PDE10A: variants seen among roughly 807,000 people sequenced by gnomAD.
PDE10A encodes the protein phosphodiesterase 10A.
Under a neutral mutation model 97.7 loss-of-function variants are expected in PDE10A, and 39 were observed. That is an observed-to-expected ratio of 0.40 (90% CI 0.31 to 0.52). The LOEUF is 0.52. PDE10A is among the 20% of genes least tolerant of loss of function. PDE10A has a pLI of 0.56. For synonymous variants in PDE10A, 371 were observed against 376.8 expected (o/e 0.98, Z 0.18); for missense variants, 731 against 1,047.8 (o/e 0.70, Z 4.17).
At position 165,495,387 on chromosome 6, in the gene PDE10A, A is replaced by C. The variant is rs148292916; in HGVS notation, c.995-13044T>G. On this transcript the variant is annotated intron_variant, in intron 2 of 21. Coordinates refer to ENST00000539869, the MANE Select transcript of PDE10A (RefSeq NM_001385079.1). ...AGAAAGGGACAGGAAGGAGAAAAAG[A>C]GGAAGGGAAAGAAATGAGAAATTGA... is the stretch of plus-strand genomic sequence containing the variant. 4.3e-3 allele frequency among the ~76,000 whole-genome samples: 655 copies of C among 152,178 alleles called. 5 individuals carry two copies. The highest frequency in any genetic ancestry group is 0.015 in the African/African-American group (615 of 41,518).
At chr6:165,724,547 G>T (rs2128449314) in intron 1 of PDE10A, among the ~76,000 whole-genome samples, 1 of 152,226 alleles carries the variant, frequency 6.6e-6, no homozygotes, top group Admixed American at 6.5e-5. Flanking sequence ...TATCCTCGTG[G>T]GCTTCGTCCT....
intron 1 of PDE10A, among the ~76,000 whole-genome samples, chr6:165,825,768 C>A (rs1779723583): frequency 6.6e-6 from 1 of 152,174 alleles, no homozygotes; most frequent in African/African-American, 2.4e-5. Context: ...GTGGGAGGGC[C>A]TGAACCTGCC....
intron 1 of PDE10A, among the ~76,000 whole-genome samples, chr6:165,618,734 T>A (rs996381060): frequency 2.0e-5 from 3 of 152,242 alleles, no homozygotes; most frequent in African/African-American, 7.2e-5. Flanking sequence ...AGGGGTGATT[T>A]GTACAGCTTC....
At chr6:165,381,488 T>C (rs1784920420) in intron 17 of PDE10A, among the ~76,000 whole-genome samples, 1 of 152,122 alleles carries the variant, frequency 6.6e-6, no homozygotes, top group South Asian at 2.1e-4. Flanking sequence ...CCCTTTTCTT[T>C]CTTTGAGACA....
At position 165,331,492 on chromosome 6, in the gene PDE10A, C is replaced by T. The variant is rs1006450771; in HGVS notation, c.*1533G>A. The T allele has an allele frequency of 1.3e-5, 2 of 152,096 alleles. No homozygotes were observed. The highest frequency in any genetic ancestry group is 2.9e-5 in the Non-Finnish European group (2 of 67,996). The allele number at this position is 152,096 out of a possible 1,614,324, so 9.4% of individuals were successfully genotyped here. A position where few individuals can be genotyped will look rare whatever the true frequency, so the allele number is the denominator to read the frequency against. ...ACAAACCAGGCTCATATGAACAAAA[C>T]GCCTATGGTGGTAAATATGTAGAAG... On this transcript the variant is annotated 3_prime_UTR_variant, in exon 22 of 22. Transcript: ENST00000539869.
chr6:165,818,784 T>A (rs1461968459), intron 1 of PDE10A, among the ~76,000 whole-genome samples: 2 of 152,156 alleles, frequency 1.3e-5, no homozygotes, highest in African/African-American at 4.8e-5. Context: ...TTGCAGCAAA[T>A]CCATAGCAAA....
intron 3 of PDE10A, among the ~76,000 whole-genome samples, chr6:165,452,832 A>G (rs221747): frequency 0.67 from 101,943 of 151,426 alleles, 34,825 homozygotes; most frequent in African/African-American, 0.78. Context: ...AAAGAACTTG[A>G]AGGAAATGGC....
chr6:165,722,794 A>C (rs1353210584), intron 1 of PDE10A, among the ~76,000 whole-genome samples: 1 of 152,050 alleles, frequency 6.6e-6, no homozygotes, highest in South Asian at 2.1e-4. Context: ...AAAACATCGG[A>C]GTGAACATTT....
chr6:165,725,406 C>A (rs1437670439), intron 1 of PDE10A, among the ~76,000 whole-genome samples: 1 of 152,224 alleles, frequency 6.6e-6, no homozygotes, highest in East Asian at 1.9e-4. Flanking sequence ...GGGGCCAGAG[C>A]CCAAACACGC....
intron 13 of PDE10A, among the ~76,000 whole-genome samples, chr6:165,405,662 C>A (rs2128222889): frequency 6.6e-6 from 1 of 152,232 alleles, no homozygotes; most frequent in Non-Finnish European, 1.5e-5. Context: ...CTGACTTCCC[C>A]AAGGTCAGAA....
At chr6:165,606,671 G>A (rs747149765) in intron 1 of PDE10A, among the ~76,000 whole-genome samples, 2 of 152,086 alleles carry the variant, frequency 1.3e-5, no homozygotes, top group Non-Finnish European at 1.5e-5. Flanking sequence ...CTTAAGAGGA[G>A]GTAAGTGTAC....
chr6:165,958,911 T>G (rs1314179976), intron 1 of PDE10A, among the ~76,000 whole-genome samples: 1 of 152,148 alleles, frequency 6.6e-6, no homozygotes, highest in African/African-American at 2.4e-5. Context: ...TGGAAGCTGC[T>G]GTGTTAGCTC....
At chr6:165,684,700 C>T (rs889124205) in intron 1 of PDE10A, among the ~76,000 whole-genome samples, 24 of 152,186 alleles carry the variant, frequency 1.6e-4, no homozygotes, top group Non-Finnish European at 3.4e-4. Flanking sequence ...GTGATATTTC[C>T]CCACAGGCCA....
chr6:165,902,676 C>T (rs1351197336), intron 1 of PDE10A, among the ~76,000 whole-genome samples: 1 of 152,202 alleles, frequency 6.6e-6, no homozygotes, highest in Non-Finnish European at 1.5e-5. Flanking sequence ...TATTTCCTCG[C>T]CATCCTTCCC....
intron 2 of PDE10A, among the ~76,000 whole-genome samples, chr6:165,484,540 C>T (rs764820146): frequency 1.2e-4 from 19 of 152,190 alleles, no homozygotes; most frequent in Middle Eastern, 3.2e-3. Context: ...GCCCGATGAT[C>T]TGAGATGGAG....
At chr6:165,358,894 T>G (rs1182465521) in intron 18 of PDE10A, among the ~76,000 whole-genome samples, 1 of 151,190 alleles carries the variant, frequency 6.6e-6, no homozygotes, top group African/African-American at 2.4e-5. Context: ...GCAAATCTCT[T>G]TTTTTTACTC....
chr6:165,328,663 C>T lies in PDE10A; in HGVS notation c.*4362G>A, dbSNP rs1781175591. On this transcript the variant is annotated 3_prime_UTR_variant, in exon 22 of 22. Coordinates refer to ENST00000539869, the MANE Select transcript of PDE10A (RefSeq NM_001385079.1). ...ACATCAAGTGAGGACAGCATTGCTT[C>T]TTCGGATGTTAAATGTGTTTCTTAG... is the stretch of plus-strand genomic sequence containing the variant. 6.6e-6 allele frequency: 1 copy of T among 152,210 alleles called. No individual in the cohort carries two copies. Among genetic ancestry groups the T allele is most frequent in the Non-Finnish European group, 1.5e-5 (1 of 68,028 alleles). 9.4% of individuals were successfully genotyped at this position (152,210 alleles called of 1,614,324 possible).
At position 165,662,013 on chromosome 6, in the gene PDE10A, T is replaced by C; in HGVS notation, c.799A>G (p.Met267Val). Residue 267 changes from methionine to valine, a missense_variant, in exon 1 of 22, where the codon ATG becomes GTG. This residue lies in a region of PDE10A where 181 missense variants were observed against 159.1 expected (regional missense o/e 1.14). Transcript: ENST00000539869. ...AAAALLFGSDMEDGPSNNASC... is the reference protein window; with the variant it reads ...AAAALLFGSDVEDGPSNNASC... ...GCATTATTAGAAGGTCCATCTTCCA[T>C]GTCGGAGCCGAAGAGCAGCGCGGCC... 2 of 1,501,302 alleles carry C rather than the reference T, an allele frequency of 1.3e-6. No homozygotes were observed. The highest frequency in any genetic ancestry group is 1.8e-6 in the Non-Finnish European group (2 of 1,112,546). The allele number at this position is 1,501,302 out of a possible 1,614,324, so 93.0% of individuals were successfully genotyped here.
intron 1 of PDE10A, among the ~76,000 whole-genome samples, chr6:165,571,351 G>C (rs952232862): frequency 3.9e-5 from 6 of 152,088 alleles, no homozygotes; most frequent in African/African-American, 1.4e-4. Flanking sequence ...AATTCTGTTG[G>C]GAAACCTAGG....
Sources: allele counts gnomAD v4.1 joint callset (sites outside exome capture counted in the v4.1 genomes callset), GRCh38; gene constraint gnomAD v4.1.1; regional missense constraint gnomAD v4.1.1; transcripts MANE v1.5; gene names NCBI Gene and HGNC (gene_info 2026-07-23, HGNC 2026-07-21).